The following SFMBT1 variants were observed in gnomAD, a reference collection of about 807,000 sequenced individuals.
The protein encoded by SFMBT1 is scm-like with four MBT domains protein 1.
A neutral mutation model predicts 108.7 loss-of-function variants in SFMBT1; 32 were observed. The ratio of observed to expected loss-of-function variants is 0.29; its 90% confidence interval spans 0.22 to 0.40. The LOEUF is 0.40. Ranked by LOEUF, SFMBT1 falls within the 10% of genes least tolerant of loss-of-function variation. The pLI is 1.00. For synonymous variants in SFMBT1, 348 were observed against 369.5 expected, an observed-to-expected ratio of 0.94 and a Z score of 0.67; for missense variants, 816 against 1,059.6, an observed-to-expected ratio of 0.77 and a Z score of 3.19.
chr3:52,922,420 C>T (rs1366881794), intron 10 of SFMBT1, among the ~76,000 whole-genome samples: 1 of 152,230 alleles, frequency 6.6e-6, no homozygotes, highest in African/African-American at 2.4e-5. Flanking sequence ...TCTCTTCTGA[C>T]ATCTAACTTA....
intron 4 of SFMBT1, among the ~76,000 whole-genome samples, chr3:52,938,778 C>T (rs1470412824): frequency 6.6e-6 from 1 of 152,082 alleles, no homozygotes; most frequent in Non-Finnish European, 1.5e-5. Context: ...TCCCTTACAA[C>T]CATCATTTAG....
chr3:52,988,568 T>C (rs1453098680), intron 1 of SFMBT1, among the ~76,000 whole-genome samples: 3 of 152,122 alleles, frequency 2.0e-5, no homozygotes, highest in Non-Finnish European at 4.4e-5. Flanking sequence ...TTAACAACAA[T>C]GATACTAGGA....
intron 4 of SFMBT1, among the ~76,000 whole-genome samples, chr3:52,935,335 T>C (rs1702974564): frequency 6.6e-6 from 1 of 152,250 alleles, no homozygotes; most frequent in Non-Finnish European, 1.5e-5. Context: ...GCCTGCTGTC[T>C]GTTTTTGTTA....
At position 52,969,086 on chromosome 3, in the gene SFMBT1, G is replaced by T; in HGVS notation, c.28+15C>A. ...GTGCATCCTAGAGAATAAATTCTGA[G>T]AATAAAACCAATACCTGCATCAAGC... On this transcript the variant is annotated intron_variant, in intron 2 of 20. Transcript: ENST00000394752. 1 of 1,613,774 alleles carries T rather than the reference G, an allele frequency of 6.2e-7. No individual in the cohort carries two copies. The highest frequency in any genetic ancestry group is 1.1e-5 in the South Asian group (1 of 91,056).
intron 1 of SFMBT1, among the ~76,000 whole-genome samples, chr3:53,011,451 G>A (rs1372226163): frequency 6.6e-6 from 1 of 152,144 alleles, no homozygotes; most frequent in Non-Finnish European, 1.5e-5. Context: ...GCACCAAACA[G>A]GAAAGACTTG....
At position 52,966,569 on chromosome 3, in the gene SFMBT1, G is replaced by A. The variant is rs534065378; in HGVS notation, c.28+2532C>T. Among the ~76,000 whole-genome samples, 115 of 138,058 alleles carry A rather than the reference G, an allele frequency of 8.3e-4. 1 individual carries two copies. The highest frequency in any genetic ancestry group is 1.4e-3 in the Non-Finnish European group (95 of 66,246). 90.6% of individuals were successfully genotyped at this position (138,058 alleles called of 152,430 possible). A position where few individuals can be genotyped will look rare whatever the true frequency, so the allele number is the denominator to read the frequency against. ...GAACCCAGGAGGCGGAGCTTGCAGTGAGCCGAGATCACGCCACTGCACTCC... is the reference window on the plus strand; with the variant it reads ...GAACCCAGGAGGCGGAGCTTGCAGTAAGCCGAGATCACGCCACTGCACTCC... On this transcript the variant is annotated intron_variant, in intron 2 of 20. Transcript: ENST00000394752.
intron 3 of SFMBT1, among the ~76,000 whole-genome samples, chr3:52,949,480 T>C (rs943127292): frequency 3.3e-5 from 5 of 152,140 alleles, no homozygotes; most frequent in African/African-American, 1.2e-4. Flanking sequence ...ACTTGCGTAT[T>C]TTTACATTCT....
intron 1 of SFMBT1, among the ~76,000 whole-genome samples, chr3:52,982,862 G>A (rs1575418038): frequency 6.8e-6 from 1 of 147,572 alleles, no homozygotes. Flanking sequence ...CAATAAAGAA[G>A]AAGATGTAGA....
At chr3:52,910,347 T>G (rs1289370603) in intron 17 of SFMBT1, among the ~76,000 whole-genome samples, 5 of 152,146 alleles carry the variant, frequency 3.3e-5, no homozygotes, top group African/African-American at 7.2e-5. Flanking sequence ...ATGAATGAAT[T>G]ACATATCCTA....
intron 1 of SFMBT1, 33 bp from the exon 2 acceptor site, chr3:52,969,291 T>C (rs1429916590): frequency 1.4e-6 from 2 of 1,475,884 alleles, no homozygotes; most frequent in Non-Finnish European, 1.8e-6. Context: ...TTAAACAGCC[T>C]GAAGCCCAAG....
At chr3:53,033,106 G>C (rs1699743803) in intron 1 of SFMBT1, among the ~76,000 whole-genome samples, 1 of 152,040 alleles carries the variant, frequency 6.6e-6, no homozygotes. Context: ...CCAGGAGTTT[G>C]AGACCAGCCT....
chr3:52,999,740 C>T (rs1384689585), intron 1 of SFMBT1, among the ~76,000 whole-genome samples: 1 of 150,076 alleles, frequency 6.7e-6, no homozygotes, highest in Non-Finnish European at 1.5e-5. Context: ...TGTTATGTTT[C>T]CACCCAAGCA....
chr3:52,919,361 C>G (rs1042972250), intron 12 of SFMBT1, among the ~76,000 whole-genome samples: 2 of 152,104 alleles, frequency 1.3e-5, no homozygotes, highest in East Asian at 3.9e-4. Context: ...GAATAAAGAA[C>G]GGACACACAC....
chr3:53,024,372 A>G (rs1206669815), intron 1 of SFMBT1, among the ~76,000 whole-genome samples: 1 of 152,222 alleles, frequency 6.6e-6, no homozygotes, highest in African/African-American at 2.4e-5. Context: ...GAGGGAAGAT[A>G]TGTCCAAGAG....
At chr3:52,928,732 C>A (rs13082061) in intron 8 of SFMBT1, among the ~76,000 whole-genome samples, 1 of 146,838 alleles carries the variant, frequency 6.8e-6, no homozygotes, top group Non-Finnish European at 1.5e-5. Context: ...GTCTTGCTCT[C>A]TTACCCAGGC....
rs1396844570 is a variant in SFMBT1 at position 52,909,475 on chromosome 3, A to G, written c.1906+1528T>C. Among the ~76,000 whole-genome samples, 10 of 152,214 alleles carry G rather than the reference A, an allele frequency of 6.6e-5. No individual in the cohort carries two copies. The South Asian group carries it at 8.3e-4, about 13-fold the overall frequency. On this transcript the variant is annotated intron_variant, in intron 17 of 20. Transcript: ENST00000394752. ...ATTTTGTAATTTAAATACTGATTAG[A>G]AAGCTCGTCATACTAAGTATGGACC...
At chr3:52,918,659 GTATATA>G in intron 12 of SFMBT1, 133 bp from the exon 13 acceptor site, 1 of 372,720 alleles carries the variant, frequency 2.7e-6, no homozygotes, top group Non-Finnish European at 4.7e-6. Flanking sequence ...ATGTGTGTGT[GTATATA>G]TATATATACA....
intron 1 of SFMBT1, among the ~76,000 whole-genome samples, chr3:53,031,632 ATT>A (rs1362247867): frequency 6.6e-6 from 1 of 151,852 alleles, no homozygotes; most frequent in Non-Finnish European, 1.5e-5. Context: ...GGAAAAAAAT[ATT>A]TCTTAATCAT....
intron 2 of SFMBT1, among the ~76,000 whole-genome samples, chr3:52,967,861 T>A (rs1389475774): frequency 6.6e-6 from 1 of 152,198 alleles, no homozygotes; most frequent in Non-Finnish European, 1.5e-5. Context: ...AGAACTCTCA[T>A]ATACTGCTGG....
Sources: gnomAD v4.1 joint callset for allele counts (sites outside exome capture counted in the v4.1 genomes callset) on GRCh38, gnomAD v4.1.1 for gene constraint, MANE v1.5 for transcripts, NCBI Gene and HGNC (gene_info 2026-07-23, HGNC 2026-07-21) for gene names.